SOX5: variants seen among roughly 807,000 people sequenced by gnomAD.
SOX5 encodes transcription factor SOX-5.
A neutral mutation model predicts 92.0 loss-of-function variants in SOX5; 9 were observed. The ratio of observed to expected loss-of-function variants is 0.10; its 90% CI spans 0.06 to 0.17. The LOEUF (loss-of-function observed/expected upper bound fraction) is 0.17. SOX5 is among the 10% of genes least tolerant of loss of function. The pLI, the probability that SOX5 is intolerant of heterozygous loss-of-function variation, is 1.00. For synonymous variants in SOX5, 344 were observed against 336.3 expected (o/e 1.02, Z -0.25); for missense variants, 642 against 944.5 (o/e 0.68, Z 4.20).
intron 7 of SOX5, among the ~76,000 whole-genome samples, chr12:23,656,186 T>C (rs1237317739): frequency 2.5e-5 from 3 of 118,602 alleles, no homozygotes; most frequent in East Asian, 2.2e-4. Flanking sequence ...TGTTTCATTG[T>C]ATTTTTTTTT....
intron 1 of SOX5, among the ~76,000 whole-genome samples, chr12:24,549,515 A>G (rs1240965036): frequency 2.0e-5 from 3 of 152,234 alleles, no homozygotes; most frequent in African/African-American, 7.2e-5. Flanking sequence ...AGAAAGAGCA[A>G]TCCTGGAAGA....
intron 6 of SOX5, among the ~76,000 whole-genome samples, chr12:23,673,645 G>C (rs1438464879): frequency 4.0e-5 from 6 of 151,896 alleles, no homozygotes; most frequent in African/African-American, 1.5e-4. Flanking sequence ...GTTTCTATTA[G>C]ATTATCAGTT....
intron 1 of SOX5, among the ~76,000 whole-genome samples, chr12:24,558,732 G>C (rs1954051204): frequency 6.6e-6 from 1 of 152,054 alleles, no homozygotes; most frequent in Admixed American, 6.5e-5. Context: ...ATAAATATTA[G>C]GTATGAGTGA....
At chr12:23,901,224 T>C (rs2097228322) in intron 1 of SOX5, among the ~76,000 whole-genome samples, 1 of 152,066 alleles carries the variant, frequency 6.6e-6, no homozygotes, top group South Asian at 2.1e-4. Flanking sequence ...AGATGGAAGA[T>C]GAGGCCGTGA....
chr12:23,806,226 G>T (rs1303838706), intron 3 of SOX5, among the ~76,000 whole-genome samples: 1 of 152,082 alleles, frequency 6.6e-6, no homozygotes, highest in Non-Finnish European at 1.5e-5. Flanking sequence ...AAAAAAATCA[G>T]CCTTCTACAC....
intron 7 of SOX5, among the ~76,000 whole-genome samples, chr12:23,657,871 T>G (rs1166959390): frequency 2.0e-5 from 3 of 152,196 alleles, no homozygotes; most frequent in African/African-American, 7.2e-5. Flanking sequence ...GAATGAGCTT[T>G]AGGTTTAAAA....
chr12:23,950,878 C>T (rs1358657229), upstream of SOX5: 25 of 1,535,120 alleles, frequency 1.6e-5, no homozygotes, highest in East Asian at 1.7e-4. Flanking sequence ...CACAGACATG[C>T]ATGCAGAGAT....
In SOX5 at chr12:24,481,236, G is replaced by C. The variant is rs140220492; in HGVS notation, c.-251+81093C>G. On this transcript the variant is annotated intron_variant, in intron 1 of 4. Transcript: ENST00000446891. The stretch of plus-strand genomic sequence containing the variant: ...ATTGACCTCATGGAGATAAAGAGTA[G>C]AAGGATGGTTACCAGAGGCTGGAAA... 2.6e-5 allele frequency among the ~76,000 whole-genome samples: 4 copies of C among 152,258 alleles called. No individual in the cohort carries two copies. In the East Asian group the frequency reaches 5.8e-4, roughly 22 times the overall value.
At chr12:24,104,779 C>T (rs996479991) in intron 4 of SOX5, among the ~76,000 whole-genome samples, 2 of 152,174 alleles carry the variant, frequency 1.3e-5, no homozygotes, top group Non-Finnish European at 2.9e-5. Context: ...GAGCACTGGC[C>T]TATCTTGAAG....
chr12:24,424,222 G>A (rs1040209784), intron 1 of SOX5, among the ~76,000 whole-genome samples: 4 of 152,102 alleles, frequency 2.6e-5, no homozygotes, highest in African/African-American at 9.7e-5. Context: ...ACTGCCTGAA[G>A]GATCTGTCTA....
intron 4 of SOX5, among the ~76,000 whole-genome samples, chr12:24,050,838 C>A (rs1957493147): frequency 2.0e-5 from 3 of 152,020 alleles, no homozygotes; most frequent in Non-Finnish European, 4.4e-5. Flanking sequence ...AGCCATTCTT[C>A]TTCTTCTTAT....
intron 3 of SOX5, among the ~76,000 whole-genome samples, chr12:24,225,734 T>C (rs1594502314): frequency 1.3e-5 from 2 of 152,230 alleles, no homozygotes; most frequent in African/African-American, 4.8e-5. Context: ...TTTTTAATGA[T>C]TGTAATGACT....
chr12:24,389,530 C>G (rs1345629945), intron 1 of SOX5, among the ~76,000 whole-genome samples: 2 of 152,280 alleles, frequency 1.3e-5, no homozygotes, highest in South Asian at 4.1e-4. Flanking sequence ...AGGTATTAAC[C>G]CAGCATCCAT....
chr12:23,833,819 G>T (rs1279103693), intron 3 of SOX5, among the ~76,000 whole-genome samples: 1 of 151,878 alleles, frequency 6.6e-6, no homozygotes, highest in Non-Finnish European at 1.5e-5. Flanking sequence ...GGAGGTAAAA[G>T]AAGAGTGTGA....
intron 3 of SOX5, among the ~76,000 whole-genome samples, chr12:24,221,003 C>T (rs1056435473): frequency 4.6e-5 from 7 of 152,156 alleles, no homozygotes; most frequent in Non-Finnish European, 8.8e-5. Flanking sequence ...TGGTTAACTC[C>T]ACTTAACAAA....
At chr12:24,216,481 C>A (rs558905183) in intron 3 of SOX5, among the ~76,000 whole-genome samples, 8 of 151,536 alleles carry the variant, frequency 5.3e-5, no homozygotes, top group Non-Finnish European at 1.2e-4. Flanking sequence ...GCGACTCCGC[C>A]TCGGAAAAAA....
At chr12:24,246,534 C>T (rs927514365) in intron 3 of SOX5, among the ~76,000 whole-genome samples, 1 of 151,728 alleles carries the variant, frequency 6.6e-6, no homozygotes, top group African/African-American at 2.4e-5. Context: ...GCTCTTTTTG[C>T]CTCAGTTCCT....
chr12:23,925,979 C>A (rs946995467), intron 1 of SOX5, among the ~76,000 whole-genome samples: 37 of 152,194 alleles, frequency 2.4e-4, no homozygotes, highest in African/African-American at 8.7e-4. Context: ...GTTATAGCAA[C>A]TAAGTATCAG....
intron 1 of SOX5, among the ~76,000 whole-genome samples, chr12:24,511,790 C>A (rs775742899): frequency 1.3e-5 from 2 of 151,986 alleles, no homozygotes; most frequent in African/African-American, 2.4e-5. Flanking sequence ...AACCCCGTCT[C>A]TACTAAAACT....
Sources: gnomAD v4.1 joint callset for allele counts (sites outside exome capture counted in the v4.1 genomes callset) on GRCh38, gnomAD v4.1.1 for gene constraint, MANE v1.5 for transcripts, NCBI Gene and HGNC (gene_info 2026-07-23, HGNC 2026-07-21) for gene names.